The following CNOT4 variants were observed in gnomAD, a reference collection of about 807,000 sequenced individuals.
The protein encoded by CNOT4 is CCR4-NOT transcription complex subunit 4.
Under a neutral mutation model 73.8 loss-of-function variants are expected in CNOT4, and 8 were observed. The observed-to-expected ratio is 0.11, with a 90% CI of 0.06 to 0.20. The LOEUF (loss-of-function observed/expected upper bound fraction) is 0.20, where lower values mean the gene tolerates loss of function less well. Ranked by LOEUF, CNOT4 falls within the 10% of genes least tolerant of loss-of-function variation. The probability of loss-of-function intolerance (pLI) is 1.00; values close to 1 mark genes in which losing one functional copy is unlikely to be tolerated. For missense variants in CNOT4, 564 were observed against 883.4 expected (o/e 0.64, Z 4.58); for synonymous variants, 293 against 321.1 (o/e 0.91, Z 0.94).
intron 1 of CNOT4, among the ~76,000 whole-genome samples, chr7:135,463,948 A>T (rs1369870647): frequency 2.7e-5 from 4 of 150,864 alleles, no homozygotes; most frequent in Non-Finnish European, 4.4e-5. Context: ...AATATCATTG[A>T]TCATTAGAGA....
At chr7:135,418,403 T>C (rs969606033) in intron 3 of CNOT4, among the ~76,000 whole-genome samples, 4 of 152,132 alleles carry the variant, frequency 2.6e-5, no homozygotes, top group Admixed American at 2.6e-4. Context: ...ACATAGAAAA[T>C]AAGAGGCCAT....
At chr7:135,499,021 A>G (rs1490583951) in intron 1 of CNOT4, among the ~76,000 whole-genome samples, 1 of 152,240 alleles carries the variant, frequency 6.6e-6, no homozygotes, top group Non-Finnish European at 1.5e-5. Flanking sequence ...CAATTATTTT[A>G]TAACTGATTA....
intron 3 of CNOT4, among the ~76,000 whole-genome samples, chr7:135,417,895 G>A (rs1208498128): frequency 6.6e-6 from 1 of 152,192 alleles, no homozygotes; most frequent in Non-Finnish European, 1.5e-5. Flanking sequence ...AAAGACAGCA[G>A]AGGGGTACGT....
chr7:135,479,296 C>T (rs763572411), intron 1 of CNOT4, among the ~76,000 whole-genome samples: 1 of 140,582 alleles, frequency 7.1e-6, no homozygotes, highest in East Asian at 2.1e-4. Context: ...GCAACCTCCA[C>T]TTCCCAGGTT....
chr7:135,458,658 CAGG>C (rs1233670648), intron 1 of CNOT4, among the ~76,000 whole-genome samples: 1 of 152,096 alleles, frequency 6.6e-6, no homozygotes, highest in Non-Finnish European at 1.5e-5. Context: ...ACAGCATCTT[CAGG>C]AGAAGGTCCC....
At chr7:135,480,492 C>T (rs1802301737) in intron 1 of CNOT4, among the ~76,000 whole-genome samples, 1 of 152,138 alleles carries the variant, frequency 6.6e-6, no homozygotes, top group Non-Finnish European at 1.5e-5. Context: ...GATTAACTTC[C>T]CTTCAAACCA....
chr7:135,474,432 G>A (rs1230635152), intron 1 of CNOT4, among the ~76,000 whole-genome samples: 3 of 151,808 alleles, frequency 2.0e-5, no homozygotes, highest in African/African-American at 4.8e-5. Flanking sequence ...CTACAGGTGG[G>A]TGCCACTACA....
intron 1 of CNOT4, among the ~76,000 whole-genome samples, chr7:135,472,273 C>T (rs1229373585): frequency 2.0e-5 from 3 of 149,084 alleles, no homozygotes; most frequent in Non-Finnish European, 3.0e-5. Context: ...GTCAGGAGAT[C>T]GAGACCATCC....
At chr7:135,495,462 G>A (rs535567680) in intron 1 of CNOT4, among the ~76,000 whole-genome samples, 6 of 138,660 alleles carry the variant, frequency 4.3e-5, no homozygotes, top group East Asian at 2.1e-4. Flanking sequence ...CCGAGACTGC[G>A]CCATTGCACT....
intron 4 of CNOT4, 29 bp downstream of exon 4, chr7:135,415,147 G>T (rs147574111): frequency 1.4e-6 from 2 of 1,395,570 alleles, no homozygotes; most frequent in Admixed American, 1.7e-5. Context: ...CCATAGGGAG[G>T]AAAAGCAAAA....
At chr7:135,502,813 T>C (rs1804074142) in intron 1 of CNOT4, among the ~76,000 whole-genome samples, 1 of 112,188 alleles carries the variant, frequency 8.9e-6, no homozygotes, top group Non-Finnish European at 1.8e-5. Context: ...CAAAACTCCA[T>C]CTCAAAAAAA....
intron 7 of CNOT4, among the ~76,000 whole-genome samples, chr7:135,409,772 G>A (rs567639517): frequency 6.6e-6 from 1 of 151,716 alleles, no homozygotes; most frequent in Non-Finnish European, 1.5e-5. Flanking sequence ...AAATAAAAAA[G>A]AACAAAAAAC....
rs112471389 is a variant in CNOT4, at chr7:135,452,748, T to C, written c.-92-14325A>G. 5.9e-5 allele frequency among the ~76,000 whole-genome samples: 9 copies of C among 152,170 alleles called. 1 individual carries two copies. The highest frequency in any genetic ancestry group is 1.7e-4 in the African/African-American group (7 of 41,518). ...ATGACGGACAAATAAAAAGGGACAATAGAGTGATGAGATGAAAAAACTTCT... is the reference window on the plus strand; with the variant it reads ...ATGACGGACAAATAAAAAGGGACAACAGAGTGATGAGATGAAAAAACTTCT... On this transcript the variant is annotated intron_variant, in intron 1 of 11. Transcript: ENST00000541284.
At chr7:135,383,724 C>T (rs1448698602) in intron 10 of CNOT4, among the ~76,000 whole-genome samples, 1 of 152,192 alleles carries the variant, frequency 6.6e-6, no homozygotes, top group Non-Finnish European at 1.5e-5. Context: ...GAGTGGTTAT[C>T]ACAGTGACCA....
At chr7:135,400,079 G>C (rs1003429202) in intron 7 of CNOT4, among the ~76,000 whole-genome samples, 2 of 151,958 alleles carry the variant, frequency 1.3e-5, no homozygotes, top group African/African-American at 4.8e-5. Context: ...AATTTAAGTA[G>C]GTCCTTAAAA....
chr7:135,475,053 G>C (rs912594902), intron 1 of CNOT4, among the ~76,000 whole-genome samples: 2 of 152,120 alleles, frequency 1.3e-5, no homozygotes, highest in African/African-American at 4.8e-5. Flanking sequence ...GCAGTGTAAA[G>C]ATCTATATTT....
chr7:135,404,284 CACTTA>C (rs149838803), intron 7 of CNOT4, among the ~76,000 whole-genome samples: 5,317 of 152,242 alleles, frequency 0.035, 313 homozygotes, highest in African/African-American at 0.12. Flanking sequence ...TTAACTCACT[CACTTA>C]ACTTACTAGT....
At chr7:135,405,824 G>A (rs1439878854) in intron 7 of CNOT4, among the ~76,000 whole-genome samples, 1 of 152,088 alleles carries the variant, frequency 6.6e-6, no homozygotes, top group African/African-American at 2.4e-5. Context: ...TTGTACTCTG[G>A]CTTAATTGAA....
intron 1 of CNOT4, among the ~76,000 whole-genome samples, chr7:135,466,501 T>C (rs1405552295): frequency 6.6e-6 from 1 of 151,086 alleles, no homozygotes; most frequent in African/African-American, 2.4e-5. Flanking sequence ...AAGTTTATAA[T>C]ATAAAAATGT....
Sources: allele counts gnomAD v4.1 joint callset (sites outside exome capture counted in the v4.1 genomes callset), GRCh38; gene constraint gnomAD v4.1.1; transcripts MANE v1.5; gene names NCBI Gene and HGNC (gene_info 2026-07-23, HGNC 2026-07-21).